The following ABCD3 variants were observed in gnomAD, a reference collection of about 807,000 sequenced individuals.
ABCD3 encodes ATP-binding cassette sub-family D member 3.
In ABCD3, 41 loss-of-function variants were observed where a neutral mutation model predicts 105.5. The ratio of observed to expected loss-of-function variants is 0.39; its 90% CI spans 0.30 to 0.50. The LOEUF (loss-of-function observed/expected upper bound fraction) is 0.50. Ranked by LOEUF, ABCD3 falls within the 20% of genes least tolerant of loss-of-function variation. The pLI is 0.84. For synonymous variants in ABCD3, 258 were observed against 269.0 expected, an observed-to-expected ratio of 0.96 and a Z score of 0.40; for missense variants, 622 against 806.3, an observed-to-expected ratio of 0.77 and a Z score of 2.77.
At chr1:94,458,166 A>G (rs1647678602) in intron 1 of ABCD3, among the ~76,000 whole-genome samples, 1 of 152,208 alleles carries the variant, frequency 6.6e-6, no homozygotes, top group Admixed American at 6.5e-5. Context: ...TTAGAAGACT[A>G]GCCTAGGATT....
At chr1:94,413,095 A>C in the ABCD3 span, among the ~76,000 whole-genome samples, 1 of 152,104 alleles carries the variant, frequency 6.6e-6, no homozygotes, top group Non-Finnish European at 1.5e-5. Context: ...TATTTTTTCT[A>C]TGGCTTCTGG....
In ABCD3 at chr1:94,448,769, A is replaced by G. The variant is rs1427050659; in HGVS notation, c.111-9838A>G. ...GCTATACTAGCCAAGCTCTAGCTGCATTTTTCTCTATGTGGAATATTAAAC... is the reference window on the plus strand; with the variant it reads ...GCTATACTAGCCAAGCTCTAGCTGCGTTTTTCTCTATGTGGAATATTAAAC... On this transcript the variant is annotated intron_variant, in intron 1 of 22. Coordinates refer to ENST00000370214, the MANE Select transcript of ABCD3 (RefSeq NM_002858.4). Among the ~76,000 whole-genome samples the G allele has an allele frequency of 5.9e-5, 9 of 152,312 alleles. No individual in the cohort carries two copies. The East Asian group carries it at 1.4e-3, about 23-fold the overall frequency.
At chr1:94,509,796 C>T (rs1650571036) in intron 21 of ABCD3, among the ~76,000 whole-genome samples, 1 of 152,160 alleles carries the variant, frequency 6.6e-6, no homozygotes, top group African/African-American at 2.4e-5. Context: ...GTAGTATTCT[C>T]CGATGGTAGT....
upstream of ABCD3, among the ~76,000 whole-genome samples, chr1:94,415,975 T>G (rs907939851): frequency 1.1e-4 from 17 of 152,364 alleles, no homozygotes; most frequent in East Asian, 1.2e-3. Context: ...GCTTTATCAA[T>G]AGCTAAAATT....
intron 2 of ABCD3, among the ~76,000 whole-genome samples, chr1:94,461,857 G>A (rs950044498): frequency 3.9e-5 from 6 of 152,114 alleles, no homozygotes; most frequent in African/African-American, 1.2e-4. Context: ...ACATTTTACA[G>A]TCAGTGTACA....
In ABCD3 at chr1:94,487,757, G is replaced by C. The variant is rs775642799; in HGVS notation, c.1031G>C (p.Arg344Pro). 2.5e-6 allele frequency: 4 copies of C among 1,613,800 alleles called. No homozygotes were observed. Among genetic ancestry groups the C allele is most frequent in the African/African-American group, 2.7e-5 (2 of 74,882 alleles). The stretch of plus-strand genomic sequence containing the variant: ...CCTTTCTTAGATTTGTCTCATCCTC[G>C]ACATCTCAAGAGTACACATTCGGAA... ...SRPFLDLSHP[R>P]HLKSTHSELL... Residue 344 changes from arginine to proline, a missense_variant, in exon 12 of 23, where the codon CGA becomes CCA. By Grantham distance (103) the Arg-to-Pro change is moderately radical. Transcript: ENST00000370214.
At chr1:94,436,738 T>G (rs1346252252) in intron 1 of ABCD3, among the ~76,000 whole-genome samples, 3 of 152,230 alleles carry the variant, frequency 2.0e-5, no homozygotes, top group African/African-American at 7.2e-5. Context: ...TGATCTGTGA[T>G]TGGACATCTT....
chr1:94,463,145 C>T (rs1225147066), intron 2 of ABCD3, among the ~76,000 whole-genome samples: 1 of 152,140 alleles, frequency 6.6e-6, no homozygotes, highest in East Asian at 1.9e-4. Context: ...GTAGACTGAG[C>T]CTGTAACTCA....
chr1:94,430,788 G>T (rs78741132), intron 1 of ABCD3, among the ~76,000 whole-genome samples: 1,847 of 152,300 alleles, frequency 0.012, 15 homozygotes, highest in Middle Eastern at 0.02. Flanking sequence ...TGTTAATTTA[G>T]TGAGTAGGCC....
At chr1:94,426,238 G>A (rs1659464792) in intron 1 of ABCD3, among the ~76,000 whole-genome samples, 1 of 152,076 alleles carries the variant, frequency 6.6e-6, no homozygotes, top group Non-Finnish European at 1.5e-5. Flanking sequence ...TTAGTTTTAT[G>A]TGACATGGTT....
At chr1:94,455,966 A>G (rs1553169545) in intron 1 of ABCD3, among the ~76,000 whole-genome samples, 1 of 152,146 alleles carries the variant, frequency 6.6e-6, no homozygotes, top group Non-Finnish European at 1.5e-5. Context: ...ATATACATAT[A>G]CATTGTGAAA....
the ABCD3 span, among the ~76,000 whole-genome samples, chr1:94,405,924 G>A: frequency 6.7e-6 from 1 of 150,268 alleles, no homozygotes; most frequent in African/African-American, 2.4e-5. Flanking sequence ...CCAAAGTTTA[G>A]AAATTTTTAA....
intron 9 of ABCD3, chr1:94,482,881 A>C: frequency 2.7e-6 from 1 of 376,418 alleles, no homozygotes; most frequent in Non-Finnish European, 4.9e-6. Context: ...TTCTTTCTCT[A>C]ATTTCGAATT....
chr1:94,433,894 C>A (rs1659793146), intron 1 of ABCD3, among the ~76,000 whole-genome samples: 1 of 151,968 alleles, frequency 6.6e-6, no homozygotes, highest in African/African-American at 2.4e-5. Flanking sequence ...AGTGATCTGC[C>A]CACTTTGGCC....
chr1:94,457,676 G>A (rs926514143), intron 1 of ABCD3, among the ~76,000 whole-genome samples: 9 of 152,108 alleles, frequency 5.9e-5, no homozygotes, highest in African/African-American at 2.2e-4. Context: ...CAAGGCGGAG[G>A]TAAAAAAGGC....
intron 1 of ABCD3, among the ~76,000 whole-genome samples, chr1:94,437,266 A>G (rs1659941874): frequency 6.6e-6 from 1 of 152,242 alleles, no homozygotes; most frequent in African/African-American, 2.4e-5. Flanking sequence ...GGACTTTCAT[A>G]GCTAGAGAAG....
chr1:94,467,587 C>T (rs908827749), intron 3 of ABCD3, among the ~76,000 whole-genome samples: 1 of 152,180 alleles, frequency 6.6e-6, no homozygotes, highest in African/African-American at 2.4e-5. Context: ...AGAAAATCAA[C>T]AATACACTAT....
At chr1:94,475,425 C>T (rs1648688408) in intron 6 of ABCD3, among the ~76,000 whole-genome samples, 185 bp downstream of exon 6, 1 of 152,074 alleles carries the variant, frequency 6.6e-6, no homozygotes, top group South Asian at 2.1e-4. Context: ...CATTAATTGA[C>T]AAGTCATCAT....
In ABCD3 at chr1:94,478,247, T is replaced by C. The variant is rs748374166; in HGVS notation, c.628-12T>C. The C allele has an allele frequency of 2.6e-6, 4 of 1,521,994 alleles. No homozygotes were observed. Among genetic ancestry groups the C allele is most frequent in the Admixed American group, 3.3e-5 (2 of 59,722 alleles). 94.3% of individuals were successfully genotyped at this position (1,521,994 alleles called of 1,614,324 possible). ...AGTTTTAATTCTGTGTATTCTAATATTTATTTTACAGCCATTTTTAGACAT... is the reference window on the plus strand; with the variant it reads ...AGTTTTAATTCTGTGTATTCTAATACTTATTTTACAGCCATTTTTAGACAT... On this transcript the variant is annotated splice_polypyrimidine_tract_variant and intron_variant, in intron 7 of 22. Transcript: ENST00000370214.
Sources: allele counts gnomAD v4.1 joint callset (sites outside exome capture counted in the v4.1 genomes callset), GRCh38; gene constraint gnomAD v4.1.1; transcripts MANE v1.5; gene names NCBI Gene and HGNC (gene_info 2026-07-23, HGNC 2026-07-21).